Variants in EYS observed in about 807,000 individuals in gnomAD.
EYS encodes the protein EGF-like photoreceptor maintenance factor.
EYS carries 250 observed loss-of-function variants against 282.1 expected under a neutral mutation model. That is an observed-to-expected ratio of 0.89 (90% CI 0.80 to 0.98). The LOEUF is 0.98. EYS is among the 50% of genes least tolerant of loss of function. The pLI is 0.00. For missense variants in EYS, 4,016 were observed against 3,709.0 expected, an observed-to-expected ratio of 1.08 and a Z score of -2.15; for synonymous variants, 1,355 against 1,282.9, an observed-to-expected ratio of 1.06 and a Z score of -1.20.
chr6:65,581,879 T>G (rs1030010232), intron 2 of EYS, among the ~76,000 whole-genome samples: 1 of 152,034 alleles, frequency 6.6e-6, no homozygotes, highest in Non-Finnish European at 1.5e-5. Context: ...GGTGATTTTT[T>G]TCAAAATGAT....
chr6:64,151,998 G>A (rs1364584471), intron 31 of EYS, among the ~76,000 whole-genome samples: 3 of 152,096 alleles, frequency 2.0e-5, no homozygotes, highest in South Asian at 4.1e-4. Flanking sequence ...TCCTAGAGCT[G>A]AATGATTAAC....
intron 35 of EYS, among the ~76,000 whole-genome samples, chr6:63,963,802 A>T (rs1407673183): frequency 6.6e-6 from 1 of 152,214 alleles, no homozygotes; most frequent in Non-Finnish European, 1.5e-5. Context: ...TCAAACTACA[A>T]GCAAAGTCTA....
rs1056817796 is a variant in EYS, at chr6:64,690,396, C to A, written c.3444-64151G>T. ...CTGTTGGTGGGAGTGTAAACTAGTTCAACCATCGTGGAAGACAGTGTGGCG... is the reference window on the plus strand; with the variant it reads ...CTGTTGGTGGGAGTGTAAACTAGTTAAACCATCGTGGAAGACAGTGTGGCG... On this transcript the variant is annotated intron_variant, in intron 22 of 42. Coordinates refer to ENST00000503581, the MANE Select transcript of EYS (RefSeq NM_001142800.2). Among the ~76,000 whole-genome samples, 57 of 152,154 alleles carry A rather than the reference C, an allele frequency of 3.7e-4. 1 individual carries two copies. The highest frequency in any genetic ancestry group is 7.3e-5 in the Non-Finnish European group (5 of 68,028).
chr6:64,535,121 G>C (rs1764479257), intron 26 of EYS, among the ~76,000 whole-genome samples: 1 of 152,056 alleles, frequency 6.6e-6, no homozygotes, highest in Non-Finnish European at 1.5e-5. Flanking sequence ...ACCTTTATGT[G>C]AGTTGGCATT....
chr6:64,738,526 G>T (rs1188146185), intron 22 of EYS, among the ~76,000 whole-genome samples: 1 of 152,110 alleles, frequency 6.6e-6, no homozygotes, highest in Non-Finnish European at 1.5e-5. Flanking sequence ...GTGAAAAACA[G>T]ACTAATGCAG....
chr6:64,221,723 G>C (rs1208602328), intron 31 of EYS, among the ~76,000 whole-genome samples: 1 of 152,058 alleles, frequency 6.6e-6, no homozygotes, highest in African/African-American at 2.4e-5. Context: ...GTACCGTGAT[G>C]AAATCTCACA....
intron 22 of EYS, among the ~76,000 whole-genome samples, chr6:64,756,644 C>G (rs749541254): frequency 1.3e-5 from 2 of 152,224 alleles, no homozygotes; most frequent in African/African-American, 2.4e-5. Context: ...AAAACAGAAC[C>G]TTATTAAAAT....
intron 26 of EYS, among the ~76,000 whole-genome samples, chr6:64,541,559 C>A (rs1055565626): frequency 2.6e-5 from 4 of 151,924 alleles, no homozygotes; most frequent in African/African-American, 9.7e-5. Flanking sequence ...TTTTCAGAAG[C>A]CTCCAACATA....
intron 26 of EYS, among the ~76,000 whole-genome samples, chr6:64,573,907 C>T (rs912916457): frequency 6.6e-6 from 1 of 151,920 alleles, no homozygotes; most frequent in African/African-American, 2.4e-5. Flanking sequence ...ACCATTTGAC[C>T]CAGCAATTCC....
At chr6:64,486,522 G>A (rs1031569856) in intron 26 of EYS, among the ~76,000 whole-genome samples, 2 of 151,434 alleles carry the variant, frequency 1.3e-5, no homozygotes, top group African/African-American at 4.8e-5. Context: ...CATATTTACT[G>A]CTAAGTAGAC....
chr6:64,269,130 G>T (rs1040885693), intron 30 of EYS, among the ~76,000 whole-genome samples: 4 of 152,054 alleles, frequency 2.6e-5, no homozygotes, highest in Admixed American at 1.3e-4. Context: ...TACCAACTAG[G>T]CTATGACAGG....
At position 65,194,394 on chromosome 6, in the gene EYS, C is replaced by A. The variant is rs577291904; in HGVS notation, c.2023+101469G>T. ...ACAACAGAATATTCATAGTCACATTCTTTTTATGTTAAATTTAAGTTTTAA... is the reference window on the plus strand; with the variant it reads ...ACAACAGAATATTCATAGTCACATTATTTTTATGTTAAATTTAAGTTTTAA... On this transcript the variant is annotated intron_variant, in intron 12 of 42. Coordinates refer to ENST00000503581, the MANE Select transcript of EYS (RefSeq NM_001142800.2). 4.6e-5 allele frequency among the ~76,000 whole-genome samples: 7 copies of A among 151,910 alleles called. No individual in the cohort carries two copies. In the East Asian group the frequency reaches 1.2e-3, roughly 25 times the overall value.
intron 11 of EYS, among the ~76,000 whole-genome samples, chr6:65,299,951 AT>A (rs1334634374): frequency 6.6e-6 from 1 of 152,174 alleles, no homozygotes; most frequent in Non-Finnish European, 1.5e-5. Flanking sequence ...AATTAGGTTA[AT>A]TTTGTAATAA....
intron 22 of EYS, among the ~76,000 whole-genome samples, chr6:64,698,102 CAATT>C (rs946568800): frequency 1.3e-5 from 2 of 151,844 alleles, no homozygotes; most frequent in African/African-American, 4.8e-5. Context: ...GTCAACAACA[CAATT>C]AAGAAGCAAA....
At chr6:64,776,542 CT>C (rs944314416) in intron 22 of EYS, among the ~76,000 whole-genome samples, 1 of 151,454 alleles carries the variant, frequency 6.6e-6, no homozygotes, top group Admixed American at 6.6e-5. Context: ...ATTCTATTCC[CT>C]TTTTTTTGCT....
intron 31 of EYS, among the ~76,000 whole-genome samples, chr6:64,113,783 T>A (rs1025733151): frequency 1.3e-5 from 2 of 151,986 alleles, no homozygotes; most frequent in Non-Finnish European, 1.5e-5. Flanking sequence ...TTCTTTTATA[T>A]TTCAACTAGT....
At chr6:64,324,042 TA>T (rs1341885106) in intron 29 of EYS, among the ~76,000 whole-genome samples, 1 of 152,160 alleles carries the variant, frequency 6.6e-6, no homozygotes, top group Non-Finnish European at 1.5e-5. Flanking sequence ...CCCATCACCC[TA>T]ACTTTTGACA....
At chr6:65,206,414 A>C (rs1766035839) in intron 12 of EYS, among the ~76,000 whole-genome samples, 1 of 151,774 alleles carries the variant, frequency 6.6e-6, no homozygotes, top group Non-Finnish European at 1.5e-5. Flanking sequence ...TATAAAAATA[A>C]GCCCAGGACC....
chr6:63,833,200 T>C (rs750620514), intron 36 of EYS, among the ~76,000 whole-genome samples: 23 of 152,160 alleles, frequency 1.5e-4, no homozygotes, highest in Non-Finnish European at 2.2e-4. Context: ...CAACATGGTG[T>C]TGGAAGTTCT....
Sources: allele counts gnomAD v4.1 joint callset (sites outside exome capture counted in the v4.1 genomes callset), GRCh38; gene constraint gnomAD v4.1.1; transcripts MANE v1.5; gene names NCBI Gene and HGNC (gene_info 2026-07-23, HGNC 2026-07-21).